The following PALB2 variants were observed in gnomAD, a reference collection of about 807,000 sequenced individuals.
The protein encoded by PALB2 is mutant partner and localizer of BRCA2.
Under a neutral mutation model 107.4 loss-of-function variants are expected in PALB2, and 82 were observed. The observed-to-expected ratio is 0.76, with a 90% confidence interval of 0.64 to 0.92. The LOEUF is 0.92. Among genes scored for constraint, PALB2 ranks in the 40% least tolerant of loss-of-function variants. PALB2 has a pLI of 0.00. For synonymous variants in PALB2, 489 were observed against 496.8 expected (o/e 0.98, Z 0.21); for missense variants, 1,374 against 1,379.9 (o/e 1.00, Z 0.07).
chr16:23,624,741 C>A (rs1438627718), intron 7 of PALB2, among the ~76,000 whole-genome samples: 1 of 152,154 alleles, frequency 6.6e-6, no homozygotes, highest in African/African-American at 2.4e-5. Context: ...GAACTCCTGA[C>A]CTCAGGTGAT....
rs730881885 is a variant in PALB2, at chr16:23,630,134, C to T, written c.2020G>A (p.Asp674Asn). ...MDTEMEDLEE[D>N]LIVLPGKSHP... Reference sequence around the variant, plus strand: ...GATTTTCCTGGTAGAACAATAAGGTCCTCTTCTAAGTCCTCCATTTCTGTA... The same window carrying T: ...GATTTTCCTGGTAGAACAATAAGGTTCTCTTCTAAGTCCTCCATTTCTGTA... Residue 674 changes from aspartate (D) to asparagine (N), a missense_variant, in exon 5 of 13, where the codon GAC becomes AAC. Coordinates refer to ENST00000261584, the MANE Select transcript of PALB2 (RefSeq NM_024675.4). 4 of 1,614,090 alleles carry T rather than the reference C, an allele frequency of 2.5e-6. No individual in the cohort carries two copies. The Admixed American group carries it at 5.0e-5, about 20-fold the overall frequency.
intron 11 of PALB2, 34 bp downstream of exon 11, chr16:23,613,970 A>G: frequency 6.7e-7 from 1 of 1,495,726 alleles, no homozygotes; most frequent in Non-Finnish European, 9.3e-7. Context: ...ACCAACAGTA[A>G]CACACAAAGT....
rs1567218530 is a variant in PALB2 at position 23,630,243 on chromosome 16, G to C, written c.1911C>G (p.Pro637=). The C allele has an allele frequency of 3.1e-6, 5 of 1,614,120 alleles. No individual in the cohort carries two copies. The highest frequency in any genetic ancestry group is 4.2e-6 in the Non-Finnish European group (5 of 1,180,032). ...VKSCSEKPVE[P]FESKMFGERH... is the part of the protein sequence containing the mutation. ...TCTCTCCAAACATTTTTGACTCAAA[G>C]GGCTCCACTGGTTTTTCTGAGCAGG... Residue 637 remains proline (P), a synonymous_variant, in exon 5 of 13, where the codon CCC becomes CCG. Coordinates refer to ENST00000261584, the MANE Select transcript of PALB2 (RefSeq NM_024675.4).
Position 23,630,276 on chromosome 16 carries a change from T to C in PALB2, c.1878A>G (p.Lys626=), listed in dbSNP as rs1567218624. Residue 626 remains lysine (K), a synonymous_variant, in exon 5 of 13, where the codon AAA becomes AAG. Coordinates refer to ENST00000261584, the MANE Select transcript of PALB2 (RefSeq NM_024675.4). ...CTGGTTTTTCTGAGCAGGACTTCAC[T>C]TTTTCAAGCTTAAGAGGTCCAAAGT... ...DEDFGPLKLE[K]VKSCSEKPVE... 4 of 1,614,172 alleles carry C rather than the reference T, an allele frequency of 2.5e-6. No individual in the cohort carries two copies. The highest frequency in any genetic ancestry group is 3.4e-6 in the Non-Finnish European group (4 of 1,180,032).
intron 6 of PALB2, among the ~76,000 whole-genome samples, chr16:23,627,094 A>T (rs1407009316): frequency 6.6e-6 from 1 of 152,186 alleles, no homozygotes; most frequent in Non-Finnish European, 1.5e-5. Context: ...AACAACATAC[A>T]TTATACTATC....
chr16:23,612,757 T>C (rs1257951405), intron 11 of PALB2, among the ~76,000 whole-genome samples: 2 of 151,872 alleles, frequency 1.3e-5, no homozygotes, highest in African/African-American at 4.8e-5. Context: ...TTTTTTTTTT[T>C]CTTTTTGTTT....
chr16:23,636,278 C>T lies in PALB2; in HGVS notation c.268G>A (p.Glu90Lys), dbSNP rs2142447291. 6.2e-7 allele frequency: 1 copy of T among 1,613,760 alleles called. No individual in the cohort carries two copies. Among genetic ancestry groups the T allele is most frequent in the Non-Finnish European group, 8.5e-7 (1 of 1,179,888 alleles). ...ATAGATGTCTTTTCTCCAGTTTCTT[C>T]ATCAAGATGGGTTTTGATGTGTAAC... ...DKLHIKTHLD[E>K]ETGEKTSITL... The change falls in exon 4 of 13, where the codon GAA becomes AAA. Residue 90 changes from glutamate (E) to lysine (K), a missense_variant. Transcript: ENST00000261584.
intron 1 of PALB2, 142 bp from the exon 2 acceptor site, chr16:23,638,271 G>C: frequency 1.3e-6 from 1 of 743,696 alleles, no homozygotes; most frequent in Non-Finnish European, 2.5e-6. Context: ...TTCTCAAAAA[G>C]CACCAAGCTC....
chr16:23,641,179 A>G lies in PALB2; in HGVS notation c.-22T>C. 1.2e-6 allele frequency: 2 copies of G among 1,611,122 alleles called. No homozygotes were observed. Among genetic ancestry groups the G allele is most frequent in the African/African-American group, 1.3e-5 (1 of 74,972 alleles). On this transcript the variant is annotated 5_prime_UTR_variant, in exon 1 of 13. Coordinates refer to ENST00000261584, the MANE Select transcript of PALB2 (RefSeq NM_024675.4). ...CCATCGGGCAGGCGACAGAACGAAA[A>G]GAGCAGCCGTCGCCGACCCCAGGCC...
intron 11 of PALB2, among the ~76,000 whole-genome samples, chr16:23,610,132 A>AC (rs1939457812): frequency 6.6e-6 from 1 of 152,220 alleles, no homozygotes; most frequent in Non-Finnish European, 1.5e-5. Context: ...GAACACAGCT[A>AC]CATCTATCCA....
intron 1 of PALB2, chr16:23,640,332 T>G (rs1967190707): frequency 4.9e-6 from 1 of 204,146 alleles, no homozygotes; most frequent in Non-Finnish European, 1.0e-5. Context: ...TAAAGTACAG[T>G]CTAAAGAAGC....
At chr16:23,612,287 G>A (rs748505015) in intron 11 of PALB2, among the ~76,000 whole-genome samples, 1 of 151,976 alleles carries the variant, frequency 6.6e-6, no homozygotes, top group South Asian at 2.1e-4. Context: ...GCACGATCTC[G>A]GCTCACTGCA....
At chr16:23,631,134 G>A (rs1338067793) in intron 4 of PALB2, among the ~76,000 whole-genome samples, 7 of 146,150 alleles carry the variant, frequency 4.8e-5, no homozygotes, top group African/African-American at 1.5e-4. Context: ...AAAAAAATTA[G>A]CCGGGTGTGG....
chr16:23,622,679 C>G (rs1478691401), intron 9 of PALB2, among the ~76,000 whole-genome samples: 1 of 152,222 alleles, frequency 6.6e-6, no homozygotes, highest in Non-Finnish European at 1.5e-5. Context: ...GCATGAGCCA[C>G]TGTGCCCAGC....
In PALB2 at chr16:23,629,743, G is replaced by C. The variant is rs149836639; in HGVS notation, c.2411C>G (p.Ser804Cys). The C allele has an allele frequency of 3.7e-6, 6 of 1,614,216 alleles. No homozygotes were observed. Among genetic ancestry groups the C allele is most frequent in the South Asian group, 2.2e-5 (2 of 91,088 alleles). ...GGGTGGAGGTGTTCCTGGCGGGACA[G>C]AGTCACAGTCACAGGTAGGTTGTCC... ...RQGQPTCDCD[S>C]VPPGTPPPIE... The change falls in exon 5 of 13, where the codon TCT (serine) becomes TGT (cysteine). Residue 804 changes from serine to cysteine, a missense_variant. Coordinates refer to ENST00000261584, the MANE Select transcript of PALB2 (RefSeq NM_024675.4).
At chr16:23,609,358 A>G (rs1966542085) in intron 11 of PALB2, among the ~76,000 whole-genome samples, 1 of 152,156 alleles carries the variant, frequency 6.6e-6, no homozygotes, top group South Asian at 2.1e-4. Context: ...CCAAGAACTC[A>G]AGGCTATAGT....
chr16:23,620,436 G>A (rs1052713352), intron 10 of PALB2, among the ~76,000 whole-genome samples: 2 of 152,180 alleles, frequency 1.3e-5, no homozygotes, highest in Non-Finnish European at 2.9e-5. Context: ...AGTGAGCAGA[G>A]TGGGCCTTGC....
At chr16:23,625,759 C>T (rs1597084476) in intron 7 of PALB2, among the ~76,000 whole-genome samples, 1 of 152,118 alleles carries the variant, frequency 6.6e-6, no homozygotes, top group African/African-American at 2.4e-5. Context: ...GATCATGCCA[C>T]TGCACTCCAG....
intron 10 of PALB2, 104 bp from the exon 11 acceptor site, chr16:23,614,195 A>G (rs1052578829): frequency 7.3e-6 from 6 of 820,832 alleles, no homozygotes; most frequent in Admixed American, 6.4e-5. Flanking sequence ...GTGACCAGGG[A>G]AAAAACTAAG....
Sources: allele counts gnomAD v4.1 joint callset (sites outside exome capture counted in the v4.1 genomes callset), GRCh38; gene constraint gnomAD v4.1.1; transcripts MANE v1.5; gene names NCBI Gene and HGNC (gene_info 2026-07-23, HGNC 2026-07-21).